GRID2: variants seen among roughly 807,000 people sequenced by gnomAD.
GRID2 encodes glutamate receptor ionotropic, delta-2.
GRID2 carries 33 observed loss-of-function variants against 114.8 expected under a neutral mutation model. The ratio of observed to expected loss-of-function variants is 0.29; its 90% CI spans 0.22 to 0.38. The LOEUF (loss-of-function observed/expected upper bound fraction) is 0.38, where lower values mean the gene tolerates loss of function less well. Ranked by LOEUF, GRID2 falls within the 10% of genes least tolerant of loss-of-function variation. The pLI is 1.00. For synonymous variants in GRID2, 505 were observed against 449.9 expected, an observed-to-expected ratio of 1.12 and a Z score of -1.55; for missense variants, 1,184 against 1,257.7, an observed-to-expected ratio of 0.94 and a Z score of 0.89.
chr4:93,331,203 T>C (rs1387814753), intron 8 of GRID2, among the ~76,000 whole-genome samples: 3 of 146,152 alleles, frequency 2.1e-5, no homozygotes, highest in Non-Finnish European at 4.5e-5. Flanking sequence ...TTCTGGAGAC[T>C]CCAGAGACAC....
intron 7 of GRID2, among the ~76,000 whole-genome samples, chr4:93,230,545 T>A (rs945660352): frequency 5.9e-5 from 9 of 152,132 alleles, no homozygotes; most frequent in Admixed American, 1.3e-4. Flanking sequence ...AGTTATAGAG[T>A]AGCAAGTCAC....
intron 2 of GRID2, among the ~76,000 whole-genome samples, chr4:92,617,860 GTGTTGT>G (rs199877203): frequency 3.0e-4 from 45 of 151,454 alleles, no homozygotes; most frequent in African/African-American, 8.9e-4. Context: ...AGACGATTTT[GTGTTGT>G]TGTTGTTGTT....
intron 13 of GRID2, among the ~76,000 whole-genome samples, chr4:93,523,201 C>T (rs1042093258): frequency 2.0e-5 from 3 of 152,142 alleles, no homozygotes; most frequent in Non-Finnish European, 1.5e-5. Context: ...CACAAGACCA[C>T]AGGCAATGCA....
At chr4:93,349,187 T>G (rs558403694) in intron 8 of GRID2, among the ~76,000 whole-genome samples, 14 of 152,302 alleles carry the variant, frequency 9.2e-5, no homozygotes, top group African/African-American at 3.4e-4. Flanking sequence ...TATGTTCACA[T>G]GTACATATAT....
rs182946414 is a variant in GRID2, at chr4:93,700,311, C to T, written c.2361-68899C>T. Among the ~76,000 whole-genome samples, 195 of 152,136 alleles carry T rather than the reference C, an allele frequency of 1.3e-3. 1 individual carries two copies. Among genetic ancestry groups the T allele is most frequent in the Non-Finnish European group, 2.0e-3 (137 of 67,980 alleles). On this transcript the variant is annotated intron_variant, in intron 14 of 15. Coordinates refer to ENST00000282020, the MANE Select transcript of GRID2 (RefSeq NM_001510.4). ...TTGCTGTATATAAATAAAACCTGTC[C>T]CAACCCTGTATGAATTTTTAAATAA...
intron 6 of GRID2, among the ~76,000 whole-genome samples, chr4:93,224,411 G>A (rs1033564290): frequency 7.2e-5 from 11 of 152,046 alleles, no homozygotes; most frequent in African/African-American, 2.7e-4. Flanking sequence ...AGCTGAAAAA[G>A]CAATTGAGGC....
intron 1 of GRID2, among the ~76,000 whole-genome samples, chr4:92,399,607 ATTTAAC>A (rs1275988122): frequency 2.0e-5 from 3 of 151,274 alleles, no homozygotes; most frequent in East Asian, 1.9e-4. Context: ...ATATTTCACA[ATTTAAC>A]TTTATTGGAT....
intron 8 of GRID2, among the ~76,000 whole-genome samples, chr4:93,262,994 G>T (rs537410962): frequency 6.6e-6 from 1 of 151,834 alleles, no homozygotes; most frequent in Non-Finnish European, 1.5e-5. Context: ...CTACTAAGGA[G>T]TTACATTGCT....
At chr4:93,131,505 G>A (rs1409340996) in intron 4 of GRID2, among the ~76,000 whole-genome samples, 1 of 151,760 alleles carries the variant, frequency 6.6e-6, no homozygotes, top group Non-Finnish European at 1.5e-5. Flanking sequence ...TTTAAATTAA[G>A]AGGAGGTTAA....
rs1424982837 is a variant in GRID2 at position 93,484,031 on chromosome 4, G to A, written c.1859-6608G>A. ...GAAAATGCATATTTTTTTTCTAATT[G>A]TGGATAAAAAAAGGAGAAAGAAAAC... On this transcript the variant is annotated intron_variant, in intron 11 of 15. Transcript: ENST00000282020. Among the ~76,000 whole-genome samples the A allele has an allele frequency of 2.7e-5, 4 of 150,270 alleles. No homozygotes were observed. The East Asian group carries it at 5.9e-4, about 22-fold the overall frequency.
intron 2 of GRID2, among the ~76,000 whole-genome samples, chr4:92,604,707 A>G (rs976334971): frequency 2.0e-5 from 3 of 152,034 alleles, no homozygotes; most frequent in African/African-American, 7.2e-5. Flanking sequence ...TTTTAATCCT[A>G]TTTATTATGT....
chr4:92,974,266 G>C (rs190692478), intron 2 of GRID2, among the ~76,000 whole-genome samples: 10 of 152,246 alleles, frequency 6.6e-5, no homozygotes, highest in African/African-American at 2.2e-4. Context: ...AACCATTGTG[G>C]AAGACAGTGT....
At chr4:92,734,564 A>G (rs745984446) in intron 2 of GRID2, among the ~76,000 whole-genome samples, 3 of 152,092 alleles carry the variant, frequency 2.0e-5, no homozygotes, top group Non-Finnish European at 4.4e-5. Flanking sequence ...GATTACAGGC[A>G]TGAACCACCT....
At chr4:93,608,135 C>T (rs944652479) in intron 13 of GRID2, among the ~76,000 whole-genome samples, 16 of 147,652 alleles carry the variant, frequency 1.1e-4, no homozygotes, top group Non-Finnish European at 1.9e-4. Context: ...TATATATATA[C>T]GTCTATGTGT....
chr4:92,777,873 C>G (rs972902963), intron 2 of GRID2, among the ~76,000 whole-genome samples: 1 of 152,038 alleles, frequency 6.6e-6, no homozygotes, highest in African/African-American at 2.4e-5. Context: ...TGAGAAAATA[C>G]ATTTCTATTG....
intron 2 of GRID2, among the ~76,000 whole-genome samples, chr4:92,764,923 A>G (rs1370063431): frequency 6.6e-6 from 1 of 152,342 alleles, no homozygotes; most frequent in African/African-American, 2.4e-5. Flanking sequence ...TAAAATAAAC[A>G]CATCAAATCT....
intron 13 of GRID2, among the ~76,000 whole-genome samples, chr4:93,614,960 T>G (rs76444447): frequency 0.043 from 6,593 of 152,292 alleles, 170 homozygotes; most frequent in African/African-American, 0.076. Context: ...CTGTAATTTT[T>G]GGGGCTTCCT....
At chr4:93,033,520 G>A (rs951175020) in intron 2 of GRID2, among the ~76,000 whole-genome samples, 8 of 152,060 alleles carry the variant, frequency 5.3e-5, no homozygotes, top group African/African-American at 1.9e-4. Flanking sequence ...TTTTACTAAG[G>A]CTTCTTTGTG....
chr4:93,737,192 C>G (rs1305906883), intron 14 of GRID2, among the ~76,000 whole-genome samples: 1 of 151,980 alleles, frequency 6.6e-6, no homozygotes, highest in African/African-American at 2.4e-5. Context: ...TTGACAATAT[C>G]ATGACTATAA....
Sources: allele counts gnomAD v4.1 joint callset (sites outside exome capture counted in the v4.1 genomes callset), GRCh38; gene constraint gnomAD v4.1.1; transcripts MANE v1.5; gene names NCBI Gene and HGNC (gene_info 2026-07-23, HGNC 2026-07-21).